WDR48: variants seen among roughly 807,000 people sequenced by gnomAD.
WDR48 encodes the protein WD repeat-containing protein 48.
WDR48 carries 22 observed loss-of-function variants against 94.0 expected under a neutral mutation model. That is an observed-to-expected ratio of 0.23 (90% CI 0.17 to 0.33). The LOEUF (loss-of-function observed/expected upper bound fraction) is 0.33. Ranked by LOEUF, WDR48 falls within the 10% of genes least tolerant of loss-of-function variation. WDR48 has a pLI of 1.00. For synonymous variants in WDR48, 278 were observed against 280.5 expected, an observed-to-expected ratio of 0.99 and a Z score of 0.09; for missense variants, 541 against 813.8, an observed-to-expected ratio of 0.66 and a Z score of 4.08.
chr3:39,077,784 T>G (rs1012923324), intron 9 of WDR48, among the ~76,000 whole-genome samples: 4 of 152,228 alleles, frequency 2.6e-5, no homozygotes, highest in Admixed American at 1.3e-4. Context: ...GTGTTTGCAT[T>G]TATTCCTGTT....
intron 12 of WDR48, 72 bp from the exon 13 acceptor site, chr3:39,084,573 T>G: frequency 1.5e-6 from 2 of 1,370,646 alleles, no homozygotes; most frequent in Non-Finnish European, 2.0e-6. Flanking sequence ...ATAGTACAAA[T>G]AAATGAAGGT....
chr3:39,095,063 T>C lies in WDR48; in HGVS notation c.*320T>C. On this transcript the variant is annotated 3_prime_UTR_variant, in exon 19 of 19. Coordinates refer to ENST00000302313, the MANE Select transcript of WDR48 (RefSeq NM_020839.4). ...CCTCCTTTTGTTTCAAAGGACCTTATCTACCCATTAACACTTGTTAGAGAC... is the reference window on the plus strand; with the variant it reads ...CCTCCTTTTGTTTCAAAGGACCTTACCTACCCATTAACACTTGTTAGAGAC... The C allele has an allele frequency of 5.7e-6, 2 of 352,654 alleles. No homozygotes were observed. The highest frequency in any genetic ancestry group is 1.0e-4 in the South Asian group (2 of 19,336). The allele number at this position is 352,654 out of a possible 1,614,324, so 21.8% of individuals were successfully genotyped here.
chr3:39,052,016 A>C lies in WDR48; in HGVS notation c.-10A>C. On this transcript the variant is annotated 5_prime_UTR_variant, in exon 1 of 19. Coordinates refer to ENST00000302313, the MANE Select transcript of WDR48 (RefSeq NM_020839.4). ...CCTCCGGAAGTGACGTCGGAGTGTC[A>C]ACATGCAAGATGGCGGCCCATCACC... is the stretch of plus-strand genomic sequence containing the variant. The C allele has an allele frequency of 6.2e-7, 1 of 1,613,846 alleles. No homozygotes were observed. Among genetic ancestry groups the C allele is most frequent in the Non-Finnish European group, 8.5e-7 (1 of 1,179,910 alleles).
At chr3:39,084,066 T>G in intron 11 of WDR48, 89 bp from the exon 12 acceptor site, 2 of 958,256 alleles carry the variant, frequency 2.1e-6, no homozygotes, top group Non-Finnish European at 1.5e-6. Flanking sequence ...TAGACACATG[T>G]GAAAATATGT....
intron 11 of WDR48, among the ~76,000 whole-genome samples, chr3:39,083,265 G>A (rs376149889): frequency 7.9e-5 from 12 of 152,104 alleles, no homozygotes; most frequent in East Asian, 7.7e-4. Flanking sequence ...AGGAAGCGGC[G>A]GAAACTAGAG....
chr3:39,074,661 A>C, intron 7 of WDR48, 65 bp from the exon 8 acceptor site: 1 of 1,534,830 alleles, frequency 6.5e-7, no homozygotes, highest in Non-Finnish European at 9.0e-7. Context: ...GGAGAAGTCA[A>C]GTGCAAAGCA....
At chr3:39,057,008 G>T (rs912297573) in intron 1 of WDR48, among the ~76,000 whole-genome samples, 3 of 152,104 alleles carry the variant, frequency 2.0e-5, no homozygotes, top group African/African-American at 7.2e-5. Flanking sequence ...GAGTTCTGTG[G>T]TACAGCAATT....
chr3:39,084,728 G>A lies in WDR48; in HGVS notation c.1365G>A (p.Gly455=), dbSNP rs757471307. Reference sequence around the variant, plus strand: ...ATGCTGGTTTCAGCAGCCCTGATGGGTCAGATCCAAAATGTGAGTTTAAGT... The same window carrying A: ...ATGCTGGTTTCAGCAGCCCTGATGGATCAGATCCAAAATGTGAGTTTAAGT... ...AKDAGFSSPD[G]SDPKLNLGGL... The change falls in exon 13 of 19, where the codon GGG becomes GGA. Residue 455 remains glycine, a synonymous_variant. Coordinates refer to ENST00000302313, the MANE Select transcript of WDR48 (RefSeq NM_020839.4). 4 of 1,612,896 alleles carry A rather than the reference G, an allele frequency of 2.5e-6. No individual in the cohort carries two copies. In the East Asian group the frequency reaches 6.7e-5, roughly 27 times the overall value.
intron 1 of WDR48, 48 bp downstream of exon 1, chr3:39,052,121 G>A (rs764010031): frequency 9.9e-6 from 16 of 1,609,596 alleles, no homozygotes; most frequent in Non-Finnish European, 1.4e-5. Flanking sequence ...CGGCAGCTCC[G>A]GGCCCACTCC....
In WDR48 at chr3:39,079,797, G is replaced by A; in HGVS notation, c.1162G>A (p.Asp388Asn). The change falls in exon 11 of 19, where the codon GAT (aspartate) becomes AAT (asparagine). Residue 388 changes from aspartate to asparagine, a missense_variant. Around this residue, in one of 5 missense-constraint regions of WDR48, gnomAD observed 238 missense variants for 285.3 expected, o/e 0.83. Transcript: ENST00000302313. The part of the protein sequence containing the change: ...KDTNNNVAYW[D>N]VLKACKVEDL... ...TACCAATAATAATGTGGCATATTGGGATGTATTGAAGGTGAGTATTTTTTT... is the reference window on the plus strand; with the variant it reads ...TACCAATAATAATGTGGCATATTGGAATGTATTGAAGGTGAGTATTTTTTT... 10 of 1,547,394 alleles carry A rather than the reference G, an allele frequency of 6.5e-6. No individual in the cohort carries two copies. Among genetic ancestry groups the A allele is most frequent in the Non-Finnish European group, 7.8e-6 (9 of 1,154,200 alleles).
intron 17 of WDR48, among the ~76,000 whole-genome samples, chr3:39,092,593 A>G (rs2035136389): frequency 1.3e-5 from 2 of 152,186 alleles, no homozygotes; most frequent in Non-Finnish European, 2.9e-5. Context: ...TGCAGTGACT[A>G]AACACCAGAA....
rs532042011 is a variant in WDR48 at position 39,060,037 on chromosome 3, C to T, written c.49-3013C>T. On this transcript the variant is annotated intron_variant, in intron 1 of 18. Transcript: ENST00000302313. ...ATTTCATTATTCTCTTAGTCTTGCT[C>T]GTGTTACTTTTTGACATTCAGAAGG... Among the ~76,000 whole-genome samples, 18 of 152,142 alleles carry T rather than the reference C, an allele frequency of 1.2e-4. No homozygotes were observed. In the South Asian group the frequency reaches 3.5e-3, roughly 30 times the overall value.
intron 2 of WDR48, among the ~76,000 whole-genome samples, chr3:39,063,968 TAATATAAAATTGGTGTTAAA>T (rs1057218682): frequency 9.2e-5 from 14 of 152,186 alleles, no homozygotes; most frequent in African/African-American, 3.1e-4. Flanking sequence ...TAAATAAAGA[TAATATAAAATTGGTGTTAAA>T]ACTATGAAGA....
chr3:39,055,863 A>C (rs2032843559), intron 1 of WDR48, among the ~76,000 whole-genome samples: 1 of 152,186 alleles, frequency 6.6e-6, no homozygotes, highest in South Asian at 2.1e-4. Flanking sequence ...TACTTCGCTT[A>C]ACTTGCTGCC....
intron 2 of WDR48, among the ~76,000 whole-genome samples, 175 bp from the exon 3 acceptor site, chr3:39,065,636 T>G (rs2033557157): frequency 6.6e-6 from 1 of 152,220 alleles, no homozygotes; most frequent in Non-Finnish European, 1.5e-5. Flanking sequence ...CAAAACTGTT[T>G]ACATCTGTTA....
Position 39,065,826 on chromosome 3 carries a change from G to A in WDR48, c.205G>A (p.Ala69Thr). The change falls in exon 3 of 19, where the codon GCA (alanine) becomes ACA (threonine). Residue 69 changes from alanine to threonine, a missense_variant. By Grantham distance (58) the Ala-to-Thr change is moderately conservative (BLOSUM62 0). This residue lies in a region of WDR48 where 90 missense variants were observed against 122.3 expected (regional missense o/e 0.74). Coordinates refer to ENST00000302313, the MANE Select transcript of WDR48 (RefSeq NM_020839.4). ...TTAATTTCAGCAAGATCCATATATA[G>A]CATCTATGGAACACCATACTGATTG... is the stretch of plus-strand genomic sequence containing the variant. ...VNQHKQDPYIASMEHHTDWVN... is the reference protein window; with the variant it reads ...VNQHKQDPYITSMEHHTDWVN... 1 of 1,603,142 alleles carries A rather than the reference G, an allele frequency of 6.2e-7. No individual in the cohort carries two copies. The highest frequency in any genetic ancestry group is 1.1e-5 in the South Asian group (1 of 88,784).
intron 17 of WDR48, 109 bp downstream of exon 17, chr3:39,091,810 T>TA: frequency 1.0e-6 from 1 of 955,290 alleles, no homozygotes; most frequent in Non-Finnish European, 1.5e-6. Context: ...AGGCTGATTT[T>TA]ATAATATTCA....
chr3:39,093,724 G>A (rs1028270161), intron 17 of WDR48, 150 bp from the exon 18 acceptor site: 14 of 831,626 alleles, frequency 1.7e-5, no homozygotes, highest in East Asian at 6.1e-5. Context: ...AAATCTTTCC[G>A]CAGCTCTAAA....
chr3:39,065,413 G>A (rs978387927), intron 2 of WDR48, among the ~76,000 whole-genome samples: 4 of 152,142 alleles, frequency 2.6e-5, no homozygotes, highest in Admixed American at 2.0e-4. Context: ...GCTGTCTGCT[G>A]TTGAGCCTTC....
Sources: allele counts gnomAD v4.1 joint callset (sites outside exome capture counted in the v4.1 genomes callset), GRCh38; gene constraint gnomAD v4.1.1; regional missense constraint gnomAD v4.1.1; transcripts MANE v1.5; gene names NCBI Gene and HGNC (gene_info 2026-07-23, HGNC 2026-07-21).